ABCA10: variants seen among roughly 807,000 people sequenced by gnomAD.
ABCA10 encodes ATP binding cassette subfamily A member 10.
Under a neutral mutation model 187.5 loss-of-function variants are expected in ABCA10, and 169 were observed. That is an observed-to-expected ratio of 0.90 (90% confidence interval 0.80 to 1.02). ABCA10 has a LOEUF of 1.02. Among genes scored for constraint, ABCA10 ranks in the 50% least tolerant of loss-of-function variants. The pLI, the probability that ABCA10 is intolerant of heterozygous loss-of-function variation, is 0.00. For missense variants in ABCA10, 1,727 were observed against 1,812.4 expected (o/e 0.95, Z 0.86); for synonymous variants, 574 against 601.8 (o/e 0.95, Z 0.68).
intron 23 of ABCA10, 97 bp from the exon 24 acceptor site, chr17:69,174,874 T>A: frequency 5.6e-6 from 6 of 1,075,358 alleles, no homozygotes; most frequent in Non-Finnish European, 7.6e-6. Context: ...AGAAATAGTA[T>A]GTTATAGTGT....
chr17:69,175,420 T>A lies in ABCA10; in HGVS notation c.2863A>T (p.Ile955Phe). ...CVSPFIGMSS[I>F]SDYKKNVQSQ... ...CTCCCTCTTACTTTATAATCGCTGA[T>A]GCTGCTCATGCCGATAAAAGGAGAA... The change falls in exon 23 of 39, where the codon ATC (isoleucine) becomes TTC (phenylalanine). Residue 955 changes from isoleucine (I) to phenylalanine (F), a missense_variant. Transcript: ENST00000690296. 6.2e-7 allele frequency: 1 copy of A among 1,610,368 alleles called. No individual in the cohort carries two copies. The highest frequency in any genetic ancestry group is 8.5e-7 in the Non-Finnish European group (1 of 1,178,084).
At chr17:69,190,964 C>A (rs2074455213) in intron 17 of ABCA10, among the ~76,000 whole-genome samples, 1 of 151,992 alleles carries the variant, frequency 6.6e-6, no homozygotes. Flanking sequence ...ACAAAGAGTG[C>A]AAATCGGGGT....
At chr17:69,192,311 A>AC (rs1202661563) in intron 16 of ABCA10, among the ~76,000 whole-genome samples, 11 of 104,436 alleles carry the variant, frequency 1.1e-4, no homozygotes, top group South Asian at 3.1e-4. Context: ...GTGTCTTCAA[A>AC]AAAACAAACA....
intron 24 of ABCA10, 37 bp downstream of exon 24, chr17:69,174,570 C>T (rs1184050039): frequency 1.3e-6 from 2 of 1,526,264 alleles, no homozygotes; most frequent in East Asian, 2.3e-5. Flanking sequence ...TTTGATTCTA[C>T]TATTATAATT....
rs139654295 is a variant in ABCA10 at position 69,153,157 on chromosome 17, A to G, written c.4136+148T>C. On this transcript the variant is annotated intron_variant, in intron 34 of 38. Transcript: ENST00000690296. ...CCCTCCTGCAGGAATTTTGAATGCT[A>G]TATTAGGTTTCACTGAATTACATAA... The G allele has an allele frequency of 6.9e-4, 618 of 895,220 alleles. 9 individuals are homozygous for G. The Admixed American group carries it at 0.016, about 23-fold the overall frequency. 55.5% of individuals were successfully genotyped at this position (895,220 alleles called of 1,614,324 possible).
chr17:69,154,231 A>T lies in ABCA10; in HGVS notation c.3786+4T>A. On this transcript the variant is annotated splice_donor_region_variant and intron_variant, in intron 31 of 38. Transcript: ENST00000690296. ...AAATAAAATTTCCTTCACATGTCAC[A>T]TACCACTCCTGCAGTTGGCTTTGTG... 1 of 1,602,398 alleles carries T rather than the reference A, an allele frequency of 6.2e-7. No homozygotes were observed. The highest frequency in any genetic ancestry group is 8.5e-7 in the Non-Finnish European group (1 of 1,173,950).
rs966341796 is a variant in ABCA10 at position 69,192,581 on chromosome 17, C to A, written c.1853G>T (p.Gly618Val). 31 of 1,612,658 alleles carry A rather than the reference C, an allele frequency of 1.9e-5. No individual in the cohort carries two copies. Among genetic ancestry groups the A allele is most frequent in the Non-Finnish European group, 2.4e-5 (28 of 1,179,178 alleles). ...GSSLFLKRKW[G>V]IGYHLSLHRN... is the part of the protein sequence containing the mutation. ...TACATACCTTAAATGATATCCAATA[C>A]CCCACTTTCGCTTCAGAAACAAAGA... Residue 618 changes from glycine to valine, a missense_variant, in exon 16 of 39, where the codon GGT (glycine) becomes GTT (valine). Physicochemically the swap from Gly to Val is moderately radical, Grantham distance 109. Coordinates refer to ENST00000690296, the MANE Select transcript of ABCA10 (RefSeq NM_001377321.1).
In ABCA10 at chr17:69,209,379, T is replaced by G. The variant is rs117409282; in HGVS notation, c.1006+5325A>C. 1.8e-3 allele frequency among the ~76,000 whole-genome samples: 272 copies of G among 152,294 alleles called. 7 individuals carry two copies. The East Asian group carries it at 0.05, about 28-fold the overall frequency. ...TTTTCAAAGTAATTTTGAAGCCAATTTGCCACATACATAAGAAATTACTCA... is the reference window on the plus strand; with the variant it reads ...TTTTCAAAGTAATTTTGAAGCCAATGTGCCACATACATAAGAAATTACTCA... On this transcript the variant is annotated intron_variant, in intron 9 of 38. Transcript: ENST00000690296.
intron 1 of ABCA10, among the ~76,000 whole-genome samples, chr17:69,238,890 T>C (rs559859265): frequency 6.6e-6 from 1 of 152,284 alleles, no homozygotes; most frequent in South Asian, 2.1e-4. Flanking sequence ...ATTGATTTAA[T>C]TGTAAAGAAT....
At chr17:69,232,533 AT>A (rs2074838866), upstream of ABCA10, among the ~76,000 whole-genome samples, 1 of 152,130 alleles carries the variant, frequency 6.6e-6, no homozygotes, top group South Asian at 2.1e-4. Flanking sequence ...CACATTTTGA[AT>A]TTTTGATGTC....
In ABCA10 at chr17:69,158,188, G is replaced by A. The variant is rs188063265; in HGVS notation, c.3364-1265C>T. Among the ~76,000 whole-genome samples the A allele has an allele frequency of 3.3e-5, 5 of 152,122 alleles. No homozygotes were observed. The East Asian group carries it at 9.6e-4, about 29-fold the overall frequency. On this transcript the variant is annotated intron_variant, in intron 27 of 38. Transcript: ENST00000690296. Reference sequence around the variant, plus strand: ...AATTCTCAGTAAAATCAGAAACAATGTAAGGACGCCTTCTTGCAACAGTGT... The same window carrying A: ...AATTCTCAGTAAAATCAGAAACAATATAAGGACGCCTTCTTGCAACAGTGT...
chr17:69,212,612 T>C (rs1312169847), intron 9 of ABCA10, among the ~76,000 whole-genome samples: 1 of 152,202 alleles, frequency 6.6e-6, no homozygotes, highest in African/African-American at 2.4e-5. Flanking sequence ...TTAGGTCTAG[T>C]AGTAATTGCT....
intron 27 of ABCA10, among the ~76,000 whole-genome samples, chr17:69,163,098 A>T (rs2074230725): frequency 6.6e-6 from 1 of 152,026 alleles, no homozygotes; most frequent in African/African-American, 2.4e-5. Flanking sequence ...CGGCTTCCCA[A>T]AGCGCTGGGA....
At chr17:69,229,101 A>T (rs2074814343), upstream of ABCA10, among the ~76,000 whole-genome samples, 1 of 152,070 alleles carries the variant, frequency 6.6e-6, no homozygotes, top group African/African-American at 2.4e-5. Flanking sequence ...AGTTAACTGC[A>T]TTTCAGTTAA....
At chr17:69,182,652 A>G in intron 21 of ABCA10, 23 bp downstream of exon 21, 1 of 1,548,332 alleles carries the variant, frequency 6.5e-7, no homozygotes, top group Non-Finnish European at 8.7e-7. Flanking sequence ...CCAAAAAAAA[A>G]CAGTGCATAG....
intron 1 of ABCA10, among the ~76,000 whole-genome samples, chr17:69,238,971 G>A (rs914782983): frequency 6.6e-6 from 1 of 152,156 alleles, no homozygotes; most frequent in African/African-American, 2.4e-5. Flanking sequence ...CTCCATAACT[G>A]TGGATCACTG....
At chr17:69,186,538 TTTCTACTCC>T (rs2074422833) in intron 19 of ABCA10, among the ~76,000 whole-genome samples, 1 of 152,216 alleles carries the variant, frequency 6.6e-6, no homozygotes, top group Non-Finnish European at 1.5e-5. Context: ...GCTTCTGCTC[TTTCTACTCC>T]GCTCCACAGT....
chr17:69,157,804 C>T (rs1183623470), intron 27 of ABCA10, among the ~76,000 whole-genome samples: 3 of 150,044 alleles, frequency 2.0e-5, no homozygotes, highest in South Asian at 4.2e-4. Flanking sequence ...TAAAACAAGT[C>T]CACAGGAAAA....
chr17:69,149,083 G>C lies in ABCA10; in HGVS notation c.4483C>G (p.Gln1495Glu). 6.2e-7 allele frequency: 1 copy of C among 1,613,892 alleles called. No individual in the cohort carries two copies. Among genetic ancestry groups the C allele is most frequent in the South Asian group, 1.1e-5 (1 of 91,064 alleles). Reference protein sequence around the residue: ...RAFFKLEAMKQTFNLEEYSLS... With the variant: ...RAFFKLEAMKETFNLEEYSLS... ...CTGTATTCCTCCAGGTTGAAGGTCT[G>C]TTTCACTGCATGTAAAGAGACTGAC... Residue 1495 changes from glutamine (Q) to glutamate (E), a missense_variant, in exon 38 of 39, where the codon CAG (glutamine) becomes GAG (glutamate). By Grantham distance (29) the Gln-to-Glu change is conservative. Transcript: ENST00000690296.
Sources: gnomAD v4.1 joint callset for allele counts (sites outside exome capture counted in the v4.1 genomes callset) on GRCh38, gnomAD v4.1.1 for gene constraint, MANE v1.5 for transcripts, NCBI Gene and HGNC (gene_info 2026-07-23, HGNC 2026-07-21) for gene names.